The following ZNF407 variants were observed in gnomAD, a reference collection of about 807,000 sequenced individuals.
The protein encoded by ZNF407 is zinc finger protein 407.
Under a neutral mutation model 131.2 loss-of-function variants are expected in ZNF407, and 17 were observed. The observed-to-expected ratio is 0.13, with a 90% CI of 0.09 to 0.19. The LOEUF is 0.19. Among genes scored for constraint, ZNF407 ranks in the 10% least tolerant of loss-of-function variants. The probability of loss-of-function intolerance (pLI) is 1.00; values close to 1 mark genes in which losing one functional copy is unlikely to be tolerated. For missense variants in ZNF407, 2,681 were observed against 2,830.6 expected (o/e 0.95, Z 1.20); for synonymous variants, 1,156 against 1,062.0 (o/e 1.09, Z -1.72).
At chr18:74,826,679 C>T (rs1970414322) in intron 4 of ZNF407, among the ~76,000 whole-genome samples, 1 of 152,146 alleles carries the variant, frequency 6.6e-6, no homozygotes, top group South Asian at 2.1e-4. Context: ...CTTATTAGTA[C>T]TTAGTGTCCC....
chr18:74,737,274 C>G (rs1478151144), intron 3 of ZNF407, among the ~76,000 whole-genome samples: 1 of 152,138 alleles, frequency 6.6e-6, no homozygotes, highest in Non-Finnish European at 1.5e-5. Flanking sequence ...CTATGCAACT[C>G]TAAAGAATGA....
chr18:74,935,142 T>C lies in ZNF407; in HGVS notation c.5428+14450T>C, dbSNP rs79822726. 6.1e-3 allele frequency among the ~76,000 whole-genome samples: 931 copies of C among 152,300 alleles called. 11 individuals are homozygous for C. Among genetic ancestry groups the C allele is most frequent in the African/African-American group, 0.021 (881 of 41,574 alleles). The stretch of plus-strand genomic sequence containing the variant: ...GTAATAAATAGACTGTTTTAAAGAA[T>C]CCATTAGTACAAAATGACAGACATG... On this transcript the variant is annotated intron_variant, in intron 8 of 8. Transcript: ENST00000299687.
Position 74,634,913 on chromosome 18 carries a change from A to G in ZNF407, c.3894A>G (p.Gln1298=), listed in dbSNP as rs575641202. The G allele has an allele frequency of 3.1e-5, 50 of 1,613,894 alleles. No homozygotes were observed. In the African/African-American group the frequency reaches 3.7e-4, roughly 12 times the overall value. The change falls in exon 2 of 9, where the codon CAA becomes CAG. Residue 1298 remains glutamine (Q), a synonymous_variant. Coordinates refer to ENST00000299687, the MANE Select transcript of ZNF407 (RefSeq NM_017757.3). ...GTTTGGAAGACTTGAAAGGTGTCCA[A>G]GAAGATCCCGTTCTGGGGAATAAGG... ...GHGLEDLKGV[Q]EDPVLGNKEI...
rs150562014 is a variant in ZNF407 at position 74,836,247 on chromosome 18, G to T, written c.4878-40950G>T. ...CACTCCTCAGCATCTCACACTCTCA[G>T]TGATCCCTGCCTCTTATCCACCTTT... On this transcript the variant is annotated intron_variant, in intron 4 of 8. Transcript: ENST00000299687. 4.0e-3 allele frequency among the ~76,000 whole-genome samples: 606 copies of T among 152,274 alleles called. 6 individuals carry two copies. The highest frequency in any genetic ancestry group is 0.014 in the African/African-American group (574 of 41,542).
intron 3 of ZNF407, among the ~76,000 whole-genome samples, chr18:74,683,961 A>G (rs1042160602): frequency 1.3e-5 from 2 of 152,218 alleles, no homozygotes; most frequent in African/African-American, 4.8e-5. Context: ...AATTTATTTA[A>G]TTTATGCCTT....
rs1048327856 is a variant in ZNF407, at chr18:74,765,772, C to T, written c.4803-15656C>T. Among the ~76,000 whole-genome samples the T allele has an allele frequency of 2.0e-5, 3 of 152,198 alleles. No individual in the cohort carries two copies. The South Asian group carries it at 6.2e-4, about 31-fold the overall frequency. ...CAGCTGCCTGGCCTCCCTGTGTTCT[C>T]CTAGCTGCAGCTCTGTTTCTCACCT... is the stretch of plus-strand genomic sequence containing the variant. On this transcript the variant is annotated intron_variant, in intron 3 of 8. Coordinates refer to ENST00000299687, the MANE Select transcript of ZNF407 (RefSeq NM_017757.3).
At chr18:75,059,938 C>T (rs569197796) in intron 8 of ZNF407, among the ~76,000 whole-genome samples, 75 of 152,300 alleles carry the variant, frequency 4.9e-4, no homozygotes, top group African/African-American at 1.5e-3. Flanking sequence ...CGGGTTGTTT[C>T]TTCTGCAAAT....
At chr18:74,769,384 A>G (rs1246976454) in intron 3 of ZNF407, among the ~76,000 whole-genome samples, 2 of 151,408 alleles carry the variant, frequency 1.3e-5, no homozygotes, top group Non-Finnish European at 2.9e-5. Context: ...AGGTAGCTCT[A>G]GGCAAAGGGT....
intron 8 of ZNF407, among the ~76,000 whole-genome samples, chr18:74,979,874 T>C (rs534630322): frequency 1.3e-5 from 2 of 152,318 alleles, no homozygotes; most frequent in South Asian, 4.1e-4. Flanking sequence ...TGGAGGGACC[T>C]CACAAAAAGC....
intron 3 of ZNF407, among the ~76,000 whole-genome samples, chr18:74,659,149 T>C (rs1985606587): frequency 2.0e-5 from 3 of 152,196 alleles, no homozygotes; most frequent in South Asian, 2.1e-4. Context: ...TCTGATTTCA[T>C]AATACGTAAA....
intron 4 of ZNF407, among the ~76,000 whole-genome samples, chr18:74,875,149 C>T (rs1455289110): frequency 2.6e-5 from 4 of 152,146 alleles, no homozygotes; most frequent in Admixed American, 2.0e-4. Flanking sequence ...TTGTTAAGTA[C>T]GTCTTGATCT....
chr18:74,623,146 ATGTG>A (rs1179372015), intron 1 of ZNF407, among the ~76,000 whole-genome samples: 2 of 58,128 alleles, frequency 3.4e-5, no homozygotes, highest in African/African-American at 1.0e-4. Context: ...GTCCGTGTGA[ATGTG>A]TGAGTGCGTG....
intron 8 of ZNF407, among the ~76,000 whole-genome samples, chr18:74,962,856 T>G (rs1279656803): frequency 2.6e-5 from 4 of 152,254 alleles, no homozygotes; most frequent in African/African-American, 9.6e-5. Context: ...GGCCTGAGAC[T>G]CGGCTGAGGG....
chr18:74,920,388 TTA>T, intron 7 of ZNF407, 124 bp from the exon 8 acceptor site: 1 of 682,266 alleles, frequency 1.5e-6, no homozygotes, highest in Non-Finnish European at 2.1e-6. Flanking sequence ...AAGCTAATTA[TTA>T]TATGAGTACA....
chr18:74,664,724 C>CT (rs1256561534), intron 3 of ZNF407, among the ~76,000 whole-genome samples: 14 of 151,526 alleles, frequency 9.2e-5, no homozygotes, highest in African/African-American at 1.7e-4. Flanking sequence ...CTTTCTCTCT[C>CT]TTTTTTTTTA....
intron 8 of ZNF407, among the ~76,000 whole-genome samples, chr18:75,049,437 C>T (rs927737497): frequency 2.0e-5 from 3 of 152,098 alleles, no homozygotes; most frequent in African/African-American, 4.8e-5. Context: ...TAGGCCCACG[C>T]GTATTCAGCA....
chr18:74,725,991 G>A (rs749152663), intron 3 of ZNF407, among the ~76,000 whole-genome samples: 1 of 152,116 alleles, frequency 6.6e-6, no homozygotes, highest in Non-Finnish European at 1.5e-5. Flanking sequence ...TAGGGAGAAT[G>A]GCAGGGAGAT....
In ZNF407 at chr18:74,635,410, C is replaced by T; in HGVS notation, c.4391C>T (p.Ala1464Val). ...YTESNLHQHL[A>V]SAGHMRNEQA... is the part of the protein sequence containing the mutation. ...GAAAGCAACCTTCACCAGCATCTGGCTAGTGCCGGCCACATGAGAAATGAG... is the reference window on the plus strand; with the variant it reads ...GAAAGCAACCTTCACCAGCATCTGGTTAGTGCCGGCCACATGAGAAATGAG... The change falls in exon 2 of 9, where the codon GCT becomes GTT. Residue 1464 changes from alanine to valine, a missense_variant. Around this residue, in one of 6 missense-constraint regions of ZNF407, gnomAD observed 213 missense variants for 332.2 expected, o/e 0.64. Coordinates refer to ENST00000299687, the MANE Select transcript of ZNF407 (RefSeq NM_017757.3). This position sits in a 1 kb window ranked among gnomAD's most constrained non-coding sequence, Gnocchi z 4.7. 6.2e-7 allele frequency: 1 copy of T among 1,613,764 alleles called. No homozygotes were observed. The highest frequency in any genetic ancestry group is 1.3e-5 in the African/African-American group (1 of 75,058).
intron 3 of ZNF407, among the ~76,000 whole-genome samples, chr18:74,641,714 T>C (rs1984728227): frequency 1.3e-5 from 2 of 152,210 alleles, no homozygotes; most frequent in South Asian, 4.1e-4. Flanking sequence ...TTAACTGTTA[T>C]TCAAATGTGT....
Sources: allele counts gnomAD v4.1 joint callset (sites outside exome capture counted in the v4.1 genomes callset), GRCh38; gene constraint gnomAD v4.1.1; regional missense constraint gnomAD v4.1.1; non-coding constraint Gnocchi (gnomAD v3.1); transcripts MANE v1.5; gene names NCBI Gene and HGNC (gene_info 2026-07-23, HGNC 2026-07-21).